The following CPEB4 variants were observed in gnomAD, a reference collection of about 807,000 sequenced individuals.
CPEB4 encodes cytoplasmic polyadenylation element-binding protein 4.
In CPEB4, 12 loss-of-function variants were observed where a neutral mutation model predicts 72.5. The observed-to-expected ratio is 0.17, with a 90% CI of 0.11 to 0.27. The LOEUF (loss-of-function observed/expected upper bound fraction) is 0.27, where lower values mean the gene tolerates loss of function less well. Among genes scored for constraint, CPEB4 ranks in the 10% least tolerant of loss-of-function variants. The pLI, the probability that CPEB4 is intolerant of heterozygous loss-of-function variation, is 1.00. For synonymous variants in CPEB4, 302 were observed against 326.3 expected, an observed-to-expected ratio of 0.93 and a Z score of 0.80; for missense variants, 614 against 908.5, an observed-to-expected ratio of 0.68 and a Z score of 4.17.
chr5:173,935,011 G>A (rs1757572592), intron 3 of CPEB4, among the ~76,000 whole-genome samples: 1 of 152,134 alleles, frequency 6.6e-6, no homozygotes, highest in Non-Finnish European at 1.5e-5. Flanking sequence ...ATTGTGCTTA[G>A]TGAAGATTAA....
chr5:173,942,934 G>A (rs551039357), intron 3 of CPEB4, 92 bp from the exon 4 acceptor site: 1 of 1,286,920 alleles, frequency 7.8e-7, no homozygotes, highest in African/African-American at 1.5e-5. Flanking sequence ...ATTTTCAAAA[G>A]CTGGTAGATG....
chr5:173,888,413 TGGCGGC>T lies in CPEB4; in HGVS notation c.-1308_-1303del. On this transcript the variant is annotated 5_prime_UTR_variant, in exon 1 of 10. Transcript: ENST00000265085. The surrounding 1 kb of genome is among the most constrained non-coding windows in gnomAD (Gnocchi z 4.3). ...GCGGGACCCGGGCACCGGGAGGCGG[TGGCGGC>T]GGCGGCGGCGGCAGCAGCGGCGACA... 6.8e-6 allele frequency: 3 copies of T among 443,874 alleles called. No homozygotes were observed. The highest frequency in any genetic ancestry group is 1.2e-5 in the Non-Finnish European group (3 of 256,584). 27.5% of individuals were successfully genotyped at this position (443,874 alleles called of 1,614,324 possible). A position where few individuals can be genotyped will look rare whatever the true frequency, so the allele number is the denominator to read the frequency against.
chr5:173,919,094 G>T (rs889890759), intron 2 of CPEB4, among the ~76,000 whole-genome samples: 29 of 151,964 alleles, frequency 1.9e-4, no homozygotes, highest in African/African-American at 7.0e-4. Flanking sequence ...TTATAATATG[G>T]TTATTATGAC....
Position 173,889,813 on chromosome 5 carries a change from A to G in CPEB4, c.80A>G (p.His27Arg). Residue 27 changes from histidine to arginine, a missense_variant, in exon 1 of 10, where the codon CAT (histidine) becomes CGT (arginine). This residue lies in a region of CPEB4 where 458 missense variants were observed against 548.6 expected (regional missense o/e 0.83). Coordinates refer to ENST00000265085, the MANE Select transcript of CPEB4 (RefSeq NM_030627.4). The stretch of plus-strand genomic sequence containing the variant: ...GCTTTTCCAGTCAGATTCCATCCAC[A>G]TCTGCAGCCTCCACACCATCACCAA... The part of the protein sequence containing the change: ...KSAFPVRFHP[H>R]LQPPHHHQNA... The G allele has an allele frequency of 6.2e-7, 1 of 1,614,194 alleles. No homozygotes were observed. The highest frequency in any genetic ancestry group is 8.5e-7 in the Non-Finnish European group (1 of 1,180,020).
At position 173,944,950 on chromosome 5, in the gene CPEB4, C is replaced by A; in HGVS notation, c.1283-17C>A. 1 of 1,575,374 alleles carries A rather than the reference C, an allele frequency of 6.3e-7. No homozygotes were observed. The highest frequency in any genetic ancestry group is 1.4e-5 in the African/African-American group (1 of 73,334). On this transcript the variant is annotated splice_polypyrimidine_tract_variant and intron_variant, in intron 4 of 9. Coordinates refer to ENST00000265085, the MANE Select transcript of CPEB4 (RefSeq NM_030627.4). Reference sequence around the variant, plus strand: ...GAACATTTTCTGTTACCGTTTTTTCCCTGCTTTCTATTCCAGGTCAGTCTT... The same window carrying A: ...GAACATTTTCTGTTACCGTTTTTTCACTGCTTTCTATTCCAGGTCAGTCTT...
intron 3 of CPEB4, among the ~76,000 whole-genome samples, chr5:173,935,580 T>C (rs1220085119): frequency 2.0e-5 from 3 of 152,196 alleles, no homozygotes; most frequent in African/African-American, 7.2e-5. Flanking sequence ...TTGTTTTGTT[T>C]CGATAAAAAT....
intron 1 of CPEB4, among the ~76,000 whole-genome samples, chr5:173,904,738 C>T (rs577104276): frequency 1.0e-3 from 154 of 152,030 alleles, no homozygotes; most frequent in African/African-American, 3.6e-3. Flanking sequence ...CTGACTATGC[C>T]ACTAAACTAT....
At chr5:173,918,446 AC>A (rs1245801030) in intron 2 of CPEB4, among the ~76,000 whole-genome samples, 6 of 152,006 alleles carry the variant, frequency 3.9e-5, no homozygotes, top group Admixed American at 6.5e-5. Context: ...CAGTGCGATT[AC>A]CCCCTTTCAG....
At chr5:173,954,675 C>G (rs1758322090) in intron 9 of CPEB4, among the ~76,000 whole-genome samples, 1 of 152,088 alleles carries the variant, frequency 6.6e-6, no homozygotes, top group Admixed American at 6.6e-5. Context: ...CCATGCCTGG[C>G]CTACTTGGTT....
intron 3 of CPEB4, among the ~76,000 whole-genome samples, chr5:173,937,499 A>G: frequency 6.6e-6 from 1 of 152,220 alleles, no homozygotes; most frequent in East Asian, 1.9e-4. Context: ...TCTAGTTGCT[A>G]CAATAATAAG....
intron 2 of CPEB4, among the ~76,000 whole-genome samples, chr5:173,922,762 C>T (rs969345368): frequency 2.6e-5 from 4 of 152,182 alleles, no homozygotes; most frequent in African/African-American, 4.8e-5. Flanking sequence ...ACACTTCCTT[C>T]GCTTCCCACC....
At chr5:173,947,944 A>C (rs554119441) in intron 5 of CPEB4, among the ~76,000 whole-genome samples, 4 of 152,174 alleles carry the variant, frequency 2.6e-5, no homozygotes, top group Non-Finnish European at 4.4e-5. Context: ...AAAGTGCTTA[A>C]GAATGGAGGC....
chr5:173,911,688 T>G (rs1476807726), intron 2 of CPEB4, among the ~76,000 whole-genome samples: 2 of 151,028 alleles, frequency 1.3e-5, no homozygotes, highest in Admixed American at 6.6e-5. Context: ...CAGGTTTTTT[T>G]TTTTTTTTTT....
intron 2 of CPEB4, among the ~76,000 whole-genome samples, chr5:173,919,461 TA>T (rs1486874151): frequency 6.6e-6 from 1 of 152,242 alleles, no homozygotes. Flanking sequence ...GTGCCACATC[TA>T]AATTAATAGA....
In CPEB4 at chr5:173,950,040, T is replaced by C; in HGVS notation, c.1627T>C (p.Tyr543His). Residue 543 changes from tyrosine (Y) to histidine (H), a missense_variant, in exon 7 of 10, where the codon TAC becomes CAC. Tyr to His is a moderately conservative substitution (Grantham distance 83). Transcript: ENST00000265085. This position sits in a 1 kb window ranked among gnomAD's most constrained non-coding sequence, Gnocchi z 5.0. ...DACIEEDGKL[Y>H]LCVSSPTIKD... is the part of the protein sequence containing the mutation. ...ATGCATTGAAGAAGATGGAAAACTC[T>C]ACCTTTGTGTATCAAGTCCCACTAT... is the stretch of plus-strand genomic sequence containing the variant. 1 of 1,610,982 alleles carries C rather than the reference T, an allele frequency of 6.2e-7. No homozygotes were observed. The highest frequency in any genetic ancestry group is 8.5e-7 in the Non-Finnish European group (1 of 1,178,308).
Position 173,890,606 on chromosome 5 carries a change from G to C in CPEB4, c.873G>C (p.Pro291=). The part of the protein sequence containing the change: ...PPSPWSSYQS[P]SPTPSSSWSP... The stretch of plus-strand genomic sequence containing the variant: ...CTCCGTGGAGCAGCTACCAGAGTCC[G>C]TCACCAACACCCTCCTCTTCCTGGA... Residue 291 remains proline (P), a synonymous_variant, in exon 1 of 10, where the codon CCG becomes CCC. Transcript: ENST00000265085. The C allele has an allele frequency of 6.2e-7, 1 of 1,613,936 alleles. No homozygotes were observed. The highest frequency in any genetic ancestry group is 8.5e-7 in the Non-Finnish European group (1 of 1,179,944).
intron 1 of CPEB4, among the ~76,000 whole-genome samples, chr5:173,892,330 AGTT>A (rs1452007682): frequency 7.1e-6 from 1 of 141,644 alleles, no homozygotes; most frequent in South Asian, 2.2e-4. Context: ...AAAGGGTTTC[AGTT>A]GTTAAAACCA....
At chr5:173,895,453 C>T (rs1755971161) in intron 1 of CPEB4, among the ~76,000 whole-genome samples, 1 of 152,200 alleles carries the variant, frequency 6.6e-6, no homozygotes, top group African/African-American at 2.4e-5. Context: ...TATCCTAAAA[C>T]TTGTTTGATA....
intron 3 of CPEB4, among the ~76,000 whole-genome samples, chr5:173,936,602 G>A (rs1047511663): frequency 1.8e-4 from 27 of 152,150 alleles, no homozygotes; most frequent in African/African-American, 6.5e-4. Context: ...CCATTTTATG[G>A]TTATGAGAAG....
Sources: allele counts gnomAD v4.1 joint callset (sites outside exome capture counted in the v4.1 genomes callset), GRCh38; gene constraint gnomAD v4.1.1; regional missense constraint gnomAD v4.1.1; non-coding constraint Gnocchi (gnomAD v3.1); transcripts MANE v1.5; gene names NCBI Gene and HGNC (gene_info 2026-07-23, HGNC 2026-07-21).